The following PLEKHA8 variants were observed in gnomAD, a reference collection of about 807,000 sequenced individuals.
PLEKHA8 encodes the protein pleckstrin homology domain containing A8.
In PLEKHA8, 36 loss-of-function variants were observed where a neutral mutation model predicts 68.2. That is an observed-to-expected ratio of 0.53 (90% CI 0.40 to 0.70). The LOEUF is 0.70. Among genes scored for constraint, PLEKHA8 ranks in the 30% least tolerant of loss-of-function variants. The probability of loss-of-function intolerance (pLI) is 0.00; values close to 1 mark genes in which losing one functional copy is unlikely to be tolerated. For synonymous variants in PLEKHA8, 211 were observed against 216.1 expected, an observed-to-expected ratio of 0.98 and a Z score of 0.20; for missense variants, 505 against 615.4, an observed-to-expected ratio of 0.82 and a Z score of 1.90.
At chr7:30,128,194 C>T (rs1264156954) in intron 13 of PLEKHA8, among the ~76,000 whole-genome samples, 1 of 151,686 alleles carries the variant, frequency 6.6e-6, no homozygotes, top group African/African-American at 2.4e-5. Context: ...GCAGACTCAA[C>T]CTCCTGGGCT....
Position 30,110,799 on chromosome 7 carries a change from T to C in PLEKHA8, c.1363-18467T>C, listed in dbSNP as rs534204907. Among the ~76,000 whole-genome samples, 3 of 152,366 alleles carry C rather than the reference T, an allele frequency of 2.0e-5. No homozygotes were observed. In the South Asian group the frequency reaches 6.2e-4, roughly 32 times the overall value. On this transcript the variant is annotated intron_variant, in intron 13 of 13. Transcript: ENST00000396257. ...TTTGAGTTTTTCTTTTGGTTAATGA[T>C]GTTGAGCATCTTTTCATGTGCTTAT...
chr7:30,082,543 T>G lies in PLEKHA8; in HGVS notation c.*3756T>G. On this transcript the variant is annotated 3_prime_UTR_variant, in exon 14 of 14. Coordinates refer to ENST00000449726, the MANE Select transcript of PLEKHA8 (RefSeq NM_001197026.2). ...ACATGGGGCACCTAGGAAAGATGAT[T>G]ATTAGAGGAGTGCAGCGGAAAAAAA... 1.0e-6 allele frequency: 1 copy of G among 985,410 alleles called. No homozygotes were observed. The highest frequency in any genetic ancestry group is 1.2e-6 in the Non-Finnish European group (1 of 829,916). 61.0% of individuals were successfully genotyped at this position (985,410 alleles called of 1,614,324 possible).
chr7:30,053,060 C>T (rs1792551986), intron 7 of PLEKHA8, among the ~76,000 whole-genome samples, 194 bp downstream of exon 7: 1 of 152,164 alleles, frequency 6.6e-6, no homozygotes. Flanking sequence ...GTTGAGAAGG[C>T]AGAGTGAAAA....
chr7:30,073,913 G>A (rs370722319), intron 12 of PLEKHA8, among the ~76,000 whole-genome samples, 158 bp from the exon 13 acceptor site: 3 of 151,796 alleles, frequency 2.0e-5, no homozygotes, highest in African/African-American at 4.8e-5. Flanking sequence ...TCACTTGAGC[G>A]CAGGAGTTCA....
chr7:30,106,055 CTTTT>C (rs796485725), intron 13 of PLEKHA8, among the ~76,000 whole-genome samples: 1 of 140,512 alleles, frequency 7.1e-6, no homozygotes, highest in African/African-American at 2.6e-5. Flanking sequence ...TCTTTAACAT[CTTTT>C]TTTTTTTTTT....
downstream of PLEKHA8, among the ~76,000 whole-genome samples, chr7:30,092,858 A>G (rs932047689): frequency 2.0e-5 from 3 of 152,188 alleles, no homozygotes; most frequent in African/African-American, 7.2e-5. Context: ...GAAAGTGAGG[A>G]TAGAGATACG....
At chr7:30,037,428 A>T (rs907840120) in intron 1 of PLEKHA8, among the ~76,000 whole-genome samples, 1 of 152,152 alleles carries the variant, frequency 6.6e-6, no homozygotes, top group Admixed American at 6.5e-5. Context: ...CTCATGAGCC[A>T]CTGTACCTGG....
intron 4 of PLEKHA8, among the ~76,000 whole-genome samples, chr7:30,048,582 G>A (rs2127974806): frequency 6.6e-6 from 1 of 152,236 alleles, no homozygotes; most frequent in East Asian, 1.9e-4. Context: ...AGATTTCTCT[G>A]GTGTTAAGCT....
rs759657954 is a variant in PLEKHA8 at position 30,083,614 on chromosome 7, C to T, written c.*4827C>T. On this transcript the variant is annotated 3_prime_UTR_variant, in exon 14 of 14. Coordinates refer to ENST00000449726, the MANE Select transcript of PLEKHA8 (RefSeq NM_001197026.2). ...TGCATGCATTGATCTTTCTTCTCTG[C>T]TGTTTTTATATAGCCTTTAATTAAA... 1.0e-5 allele frequency: 10 copies of T among 985,362 alleles called. No individual in the cohort carries two copies. In the South Asian group the frequency reaches 2.3e-4, roughly 23 times the overall value. 61.0% of individuals were successfully genotyped at this position (985,362 alleles called of 1,614,324 possible).
chr7:30,055,144 G>A, intron 8 of PLEKHA8, 113 bp from the exon 9 acceptor site: 3 of 952,856 alleles, frequency 3.1e-6, no homozygotes, highest in Non-Finnish European at 5.0e-6. Context: ...GGCATATCAA[G>A]TCAAACGATT....
chr7:30,033,303 C>T (rs1489491821), intron 1 of PLEKHA8, among the ~76,000 whole-genome samples: 2 of 152,196 alleles, frequency 1.3e-5, no homozygotes, highest in Non-Finnish European at 2.9e-5. Flanking sequence ...GTCACTCCTA[C>T]ACCTACACCT....
intron 1 of PLEKHA8, among the ~76,000 whole-genome samples, chr7:30,035,915 G>C (rs1388128040): frequency 6.6e-6 from 1 of 151,930 alleles, no homozygotes; most frequent in Non-Finnish European, 1.5e-5. Context: ...CAAAGTGTTG[G>C]GATTACAGGC....
chr7:30,107,047 A>G (rs527613472), intron 13 of PLEKHA8, among the ~76,000 whole-genome samples: 1 of 152,280 alleles, frequency 6.6e-6, no homozygotes, highest in East Asian at 1.9e-4. Context: ...TTTAAGGATC[A>G]TCTTTTCTAT....
At chr7:30,035,298 A>G (rs1042243138) in intron 1 of PLEKHA8, among the ~76,000 whole-genome samples, 1 of 152,208 alleles carries the variant, frequency 6.6e-6, no homozygotes, top group Non-Finnish European at 1.5e-5. Context: ...AAGAATATGT[A>G]ATGGATATTG....
intron 13 of PLEKHA8, among the ~76,000 whole-genome samples, chr7:30,112,915 A>AG: frequency 6.6e-6 from 1 of 152,058 alleles, no homozygotes; most frequent in East Asian, 1.9e-4. Flanking sequence ...AAAAAAAAAA[A>AG]ATTAACATAT....
In PLEKHA8 at chr7:30,080,464, C is replaced by T; in HGVS notation, c.*1677C>T. On this transcript the variant is annotated 3_prime_UTR_variant, in exon 14 of 14. Coordinates refer to ENST00000449726, the MANE Select transcript of PLEKHA8 (RefSeq NM_001197026.2). ...TCATCTCTAGATGATGCTGTTCCTG[C>T]TGCAGATCTCTAGGATGGAGAGAAT... is the stretch of plus-strand genomic sequence containing the variant. 1.0e-6 allele frequency: 1 copy of T among 985,280 alleles called. No homozygotes were observed. The highest frequency in any genetic ancestry group is 6.1e-5 in the Admixed American group (1 of 16,266). 61.0% of individuals were successfully genotyped at this position (985,280 alleles called of 1,614,324 possible). A position where few individuals can be genotyped will look rare whatever the true frequency, so the allele number is the denominator to read the frequency against.
In PLEKHA8 at chr7:30,056,135, G is replaced by A. The variant is rs573165016; in HGVS notation, c.1039+793G>A. On this transcript the variant is annotated intron_variant, in intron 9 of 13. Coordinates refer to ENST00000449726, the MANE Select transcript of PLEKHA8 (RefSeq NM_001197026.2). ...TTTTTTTGTATTTTTAGTAGAGACAGGGTTTCACTGTGTTTGCCAGGATAG... is the reference window on the plus strand; with the variant it reads ...TTTTTTTGTATTTTTAGTAGAGACAAGGTTTCACTGTGTTTGCCAGGATAG... Among the ~76,000 whole-genome samples the A allele has an allele frequency of 2.7e-3, 399 of 150,446 alleles. 2 individuals carry two copies. The highest frequency in any genetic ancestry group is 9.5e-3 in the African/African-American group (389 of 41,088).
At chr7:30,050,697 G>A in intron 6 of PLEKHA8, 1 of 447,018 alleles carries the variant, frequency 2.2e-6, no homozygotes, top group Non-Finnish European at 3.7e-6. Context: ...TTTTCCCTAA[G>A]ATGGATCTCA....
chr7:30,032,977 A>T (rs1056578759), intron 1 of PLEKHA8, among the ~76,000 whole-genome samples: 2 of 152,156 alleles, frequency 1.3e-5, no homozygotes, highest in Non-Finnish European at 2.9e-5. Context: ...TTCATTAAGG[A>T]TGTGCTATAA....
Sources: allele counts gnomAD v4.1 joint callset (sites outside exome capture counted in the v4.1 genomes callset), GRCh38; gene constraint gnomAD v4.1.1; transcripts MANE v1.5; gene names NCBI Gene and HGNC (gene_info 2026-07-23, HGNC 2026-07-21).